ATP13A5: variants seen among roughly 807,000 people sequenced by gnomAD.
ATP13A5 encodes ATPase 13A5, also known as probable cation-transporting ATPase 13A5.
Under a neutral mutation model 150.2 loss-of-function variants are expected in ATP13A5, and 149 were observed. The observed-to-expected ratio is 0.99, with a 90% CI of 0.87 to 1.14. The LOEUF (loss-of-function observed/expected upper bound fraction) is 1.14, where lower values mean the gene tolerates loss of function less well. ATP13A5 is among the 50% of genes most tolerant of loss of function. The probability of loss-of-function intolerance (pLI) is 0.00; values close to 1 mark genes in which losing one functional copy is unlikely to be tolerated. For missense variants in ATP13A5, 1,383 were observed against 1,449.3 expected (o/e 0.95, Z 0.74); for synonymous variants, 497 against 522.2 (o/e 0.95, Z 0.66).
intron 11 of ATP13A5, among the ~76,000 whole-genome samples, chr3:193,332,350 G>A (rs1286527965): frequency 2.6e-5 from 4 of 152,140 alleles, no homozygotes; most frequent in Non-Finnish European, 5.9e-5. Flanking sequence ...CCCAGTCTCA[G>A]GTATGTCTTT....
intron 1 of ATP13A5, among the ~76,000 whole-genome samples, chr3:193,366,143 T>C (rs987160115): frequency 1.3e-5 from 2 of 152,058 alleles, no homozygotes; most frequent in Admixed American, 6.6e-5. Context: ...CATACTGTGA[T>C]GTAGAAACCT....
chr3:193,305,512 C>A (rs1305027174), intron 23 of ATP13A5, 47 bp downstream of exon 23: 1 of 1,422,496 alleles, frequency 7.0e-7, no homozygotes, highest in Admixed American at 1.7e-5. Context: ...CAGAGCCAGA[C>A]AATGGGCCCA....
rs914251639 is a variant in ATP13A5 at position 193,325,108 on chromosome 3, G to A, written c.1524-94C>T. On this transcript the variant is annotated intron_variant, in intron 13 of 29. Transcript: ENST00000342358. ...TAAAGTGGAGCTCCAAACACCTAACGTTCATGCTCAGAACCTTCCCATGGC... is the reference window on the plus strand; with the variant it reads ...TAAAGTGGAGCTCCAAACACCTAACATTCATGCTCAGAACCTTCCCATGGC... 1.1e-5 allele frequency: 14 copies of A among 1,283,676 alleles called. No homozygotes were observed. The South Asian group carries it at 1.1e-4, about 10-fold the overall frequency. 79.5% of individuals were successfully genotyped at this position (1,283,676 alleles called of 1,614,324 possible).
At chr3:193,326,438 A>G (rs895734066) in intron 13 of ATP13A5, among the ~76,000 whole-genome samples, 2 of 152,206 alleles carry the variant, frequency 1.3e-5, no homozygotes, top group African/African-American at 4.8e-5. Context: ...CTGAAGTGCC[A>G]TCTCCTTCAG....
rs1718971144 is a variant in ATP13A5 at position 193,314,458 on chromosome 3, A to T, written c.2159-265T>A. 3 of 400,826 alleles carry T rather than the reference A, an allele frequency of 7.5e-6. No individual in the cohort carries two copies. In the South Asian group the frequency reaches 1.1e-4, roughly 15 times the overall value. 24.8% of individuals were successfully genotyped at this position (400,826 alleles called of 1,614,324 possible). On this transcript the variant is annotated intron_variant, in intron 18 of 29. Coordinates refer to ENST00000342358, the MANE Select transcript of ATP13A5 (RefSeq NM_198505.4). ...ATAAAGAAATACTTAAGCATTTATG[A>T]CCAATCCTCAGAAGACAGACAACTC... is the stretch of plus-strand genomic sequence containing the variant.
At chr3:193,366,789 T>C (rs914507986) in intron 1 of ATP13A5, among the ~76,000 whole-genome samples, 2 of 151,982 alleles carry the variant, frequency 1.3e-5, no homozygotes, top group African/African-American at 2.4e-5. Context: ...AACTGCAGAA[T>C]TCAAATAGTT....
At position 193,321,675 on chromosome 3, in the gene ATP13A5, T is replaced by C; in HGVS notation, c.1915+6A>G. The C allele has an allele frequency of 6.2e-7, 1 of 1,613,962 alleles. No homozygotes were observed. Among genetic ancestry groups the C allele is most frequent in the Non-Finnish European group, 8.5e-7 (1 of 1,179,912 alleles). The stretch of plus-strand genomic sequence containing the variant: ...TTTACTTCTTGAAAGAGAAAAGTGT[T>C]AGTACCTGTTTCAGATCTGCAGAAC... On this transcript the variant is annotated splice_donor_region_variant and intron_variant, in intron 16 of 29. Transcript: ENST00000342358.
At chr3:193,311,512 G>T (rs949321530) in intron 20 of ATP13A5, among the ~76,000 whole-genome samples, 1 of 152,144 alleles carries the variant, frequency 6.6e-6, no homozygotes, top group Non-Finnish European at 1.5e-5. Flanking sequence ...CTCAAAACAA[G>T]CACCGTGTTT....
intron 16 of ATP13A5, 117 bp downstream of exon 16, chr3:193,321,564 G>A (rs1719278058): frequency 3.6e-6 from 4 of 1,117,558 alleles, no homozygotes; most frequent in Non-Finnish European, 5.1e-6. Context: ...TTGGGAGGTG[G>A]AGGCTACAGT....
At chr3:193,288,947 G>T (rs965426048) in intron 26 of ATP13A5, among the ~76,000 whole-genome samples, 1 of 152,044 alleles carries the variant, frequency 6.6e-6, no homozygotes, top group South Asian at 2.1e-4. Flanking sequence ...TCTAGGTTCA[G>T]TCAAAACTTG....
intron 17 of ATP13A5, among the ~76,000 whole-genome samples, chr3:193,316,713 T>G (rs1290853632): frequency 6.6e-6 from 1 of 152,192 alleles, no homozygotes; most frequent in Admixed American, 6.6e-5. Flanking sequence ...ACATTTTGGA[T>G]GTTAATGTCT....
chr3:193,303,801 AT>A (rs1718502337), intron 23 of ATP13A5, among the ~76,000 whole-genome samples: 2 of 151,414 alleles, frequency 1.3e-5, no homozygotes, highest in Non-Finnish European at 2.9e-5. Context: ...GTGTATATAA[AT>A]ATATATACAC....
At chr3:193,359,918 A>G (rs535427919) in intron 5 of ATP13A5, among the ~76,000 whole-genome samples, 20 of 152,294 alleles carry the variant, frequency 1.3e-4, no homozygotes, top group Non-Finnish European at 2.4e-4. Context: ...CCTAAACAAA[A>G]GGGACAGAAG....
At chr3:193,328,827 A>G (rs1345670965) in intron 12 of ATP13A5, among the ~76,000 whole-genome samples, 1 of 152,232 alleles carries the variant, frequency 6.6e-6, no homozygotes, top group East Asian at 1.9e-4. Context: ...TGGAAATAAC[A>G]CTAGATGAAA....
At chr3:193,283,027 A>G (rs866699028) in intron 27 of ATP13A5, among the ~76,000 whole-genome samples, 1 of 152,338 alleles carries the variant, frequency 6.6e-6, no homozygotes, top group African/African-American at 2.4e-5. Flanking sequence ...AATCAAGAAT[A>G]GACTGATATT....
intron 22 of ATP13A5, among the ~76,000 whole-genome samples, chr3:193,306,064 T>C (rs1718605520): frequency 6.6e-6 from 1 of 152,002 alleles, no homozygotes; most frequent in Admixed American, 6.6e-5. Context: ...CTGGTGGGAA[T>C]CTTCATGAAC....
At chr3:193,347,524 C>CTTTTTTTTTTTTTTTTTTTTTT (rs1553820269) in intron 7 of ATP13A5, among the ~76,000 whole-genome samples, 1 of 145,388 alleles carries the variant, frequency 6.9e-6, no homozygotes, top group Non-Finnish European at 1.5e-5. Flanking sequence ...CCTTAGATTT[C>CTTTTTTTTTTTTTTTTTTTTTT]TTTTTTTTTT....
chr3:193,321,904 A>G (rs1719295511), intron 15 of ATP13A5, 67 bp from the exon 16 acceptor site: 2 of 1,557,942 alleles, frequency 1.3e-6, no homozygotes, highest in East Asian at 2.3e-5. Flanking sequence ...GCATACCAAC[A>G]AAAGGGCTTT....
chr3:193,372,316 G>GGA lies in ATP13A5; in HGVS notation c.63+6345_63+6346dup, dbSNP rs1553824190. On this transcript the variant is annotated intron_variant, in intron 1 of 29. Transcript: ENST00000342358. ...AAAAAAAAAAAAAAAAAAAAAAGGG[G>GGA]GAAGTTCTGCCATAAGGAAAATAAA... is the stretch of plus-strand genomic sequence containing the variant. The GGA allele has an allele frequency of 2.1e-5, 3 of 139,630 alleles. No homozygotes were observed. The East Asian group carries it at 6.0e-4, about 28-fold the overall frequency. 8.6% of individuals were successfully genotyped at this position (139,630 alleles called of 1,614,324 possible). A position where few individuals can be genotyped will look rare whatever the true frequency, so the allele number is the denominator to read the frequency against.
Sources: allele counts gnomAD v4.1 joint callset (sites outside exome capture counted in the v4.1 genomes callset), GRCh38; gene constraint gnomAD v4.1.1; transcripts MANE v1.5; gene names NCBI Gene and HGNC (gene_info 2026-07-23, HGNC 2026-07-21).